The following PMM2 variants were observed in gnomAD, a reference collection of about 807,000 sequenced individuals.
PMM2 encodes the protein phosphomannomutase 2, also known as mannose-6-phosphate isomerase.
Under a neutral mutation model 33.2 loss-of-function variants are expected in PMM2, and 35 were observed. The observed-to-expected ratio is 1.06, with a 90% CI of 0.81 to 1.40. The LOEUF (loss-of-function observed/expected upper bound fraction) is 1.40. Ranked by LOEUF, PMM2 falls within the 40% of genes most tolerant of loss-of-function variation. The pLI is 0.00. For missense variants in PMM2, 386 were observed against 306.0 expected, an observed-to-expected ratio of 1.26 and a Z score of -1.95; for synonymous variants, 153 against 114.7, an observed-to-expected ratio of 1.33 and a Z score of -2.13.
intron 7 of PMM2, among the ~76,000 whole-genome samples, chr16:8,816,297 T>G (rs1202658322): frequency 7.2e-5 from 11 of 151,884 alleles, no homozygotes; most frequent in Non-Finnish European, 1.5e-4. Flanking sequence ...CAGCTAATTT[T>G]GTATTTTTAG....
intron 1 of PMM2, among the ~76,000 whole-genome samples, chr16:8,800,275 C>A (rs567422317): frequency 5.3e-5 from 8 of 151,284 alleles, no homozygotes; most frequent in Admixed American, 4.6e-4. Flanking sequence ...ACAGGAGAAT[C>A]GCTTGAACCC....
chr16:8,810,112 A>C (rs899770762), intron 4 of PMM2: 1 of 152,224 alleles, frequency 6.6e-6, no homozygotes, highest in Non-Finnish European at 1.5e-5. Flanking sequence ...GCGCCCAGCC[A>C]AAAGAACATC....
In PMM2 at chr16:8,797,852, G is replaced by T. The variant is rs1220452675; in HGVS notation, c.-31G>T. Reference sequence around the variant, plus strand: ...CGGGCCGAGTTCCTCGTGCCAACGTGTCTTGTAAGGTGCGGCTAGAAACTG... The same window carrying T: ...CGGGCCGAGTTCCTCGTGCCAACGTTTCTTGTAAGGTGCGGCTAGAAACTG... On this transcript the variant is annotated 5_prime_UTR_variant, in exon 1 of 8. Transcript: ENST00000268261. 2.2e-5 allele frequency: 36 copies of T among 1,607,490 alleles called. No homozygotes were observed. The highest frequency in any genetic ancestry group is 3.0e-5 in the Non-Finnish European group (35 of 1,177,288).
chr16:8,827,901 A>G (rs1237646669), intron 7 of PMM2, among the ~76,000 whole-genome samples: 6 of 113,796 alleles, frequency 5.3e-5, no homozygotes, highest in Non-Finnish European at 7.0e-5. Context: ...TATATATGAT[A>G]TATATTATAT....
chr16:8,848,665 C>G lies in PMM2; in HGVS notation c.*840C>G, dbSNP rs990015596. 6 of 152,250 alleles carry G rather than the reference C, an allele frequency of 3.9e-5. No individual in the cohort carries two copies. The highest frequency in any genetic ancestry group is 1.2e-4 in the African/African-American group (5 of 41,472). The allele number at this position is 152,250 out of a possible 1,614,324, so 9.4% of individuals were successfully genotyped here. A position where few individuals can be genotyped will look rare whatever the true frequency, so the allele number is the denominator to read the frequency against. ...GTCCAGAGAAACCAACGCGGGATGTCAGACTTCACCAAAAGGACTTTCTGG... is the reference window on the plus strand; with the variant it reads ...GTCCAGAGAAACCAACGCGGGATGTGAGACTTCACCAAAAGGACTTTCTGG... On this transcript the variant is annotated 3_prime_UTR_variant, in exon 8 of 8. Transcript: ENST00000268261.
intron 1 of PMM2, 63 bp from the exon 2 acceptor site, chr16:8,801,736 G>C (rs1596484013): frequency 9.9e-7 from 1 of 1,008,560 alleles, no homozygotes; most frequent in African/African-American, 1.6e-5. Context: ...GTTACCCTTA[G>C]AGTTTTGGTC....
At chr16:8,846,577 C>G (rs1412941708) in intron 7 of PMM2, among the ~76,000 whole-genome samples, 1 of 152,114 alleles carries the variant, frequency 6.6e-6, no homozygotes, top group African/African-American at 2.4e-5. Context: ...GAGCACTCAA[C>G]TCAGGCACAG....
chr16:8,833,156 G>T (rs1234293342), intron 7 of PMM2, among the ~76,000 whole-genome samples: 1 of 152,232 alleles, frequency 6.6e-6, no homozygotes, highest in Admixed American at 6.5e-5. Context: ...GCAAAGGGTG[G>T]TGGATTATCA....
At chr16:8,819,018 T>C (rs968106290) in intron 7 of PMM2, among the ~76,000 whole-genome samples, 33 of 152,332 alleles carry the variant, frequency 2.2e-4, no homozygotes, top group African/African-American at 7.7e-4. Flanking sequence ...GTAAAAGTCA[T>C]CTTGGCTTTA....
chr16:8,833,644 T>C (rs1488993899), intron 7 of PMM2, among the ~76,000 whole-genome samples: 2 of 151,130 alleles, frequency 1.3e-5, no homozygotes, highest in African/African-American at 4.9e-5. Flanking sequence ...AAGGGAGGTC[T>C]TGTGGTAAGG....
chr16:8,831,144 C>CA (rs61001447), intron 7 of PMM2, among the ~76,000 whole-genome samples: 5,116 of 151,658 alleles, frequency 0.034, 183 homozygotes, highest in African/African-American at 0.085. Context: ...TCTCCAAAAA[C>CA]AAAAAAAACA....
At chr16:8,804,974 C>T in intron 3 of PMM2, 131 bp downstream of exon 3, 1 of 668,800 alleles carries the variant, frequency 1.5e-6, no homozygotes, top group Non-Finnish European at 2.7e-6. Context: ...TTTTGTTTTG[C>T]ATTTTGAACC....
intron 7 of PMM2, among the ~76,000 whole-genome samples, chr16:8,824,895 T>C (rs867222325): frequency 6.6e-6 from 1 of 152,252 alleles, no homozygotes; most frequent in African/African-American, 2.4e-5. Flanking sequence ...TTCTTTTATT[T>C]TTTTTAATAG....
At chr16:8,827,845 TATA>T (rs370793566) in intron 7 of PMM2, among the ~76,000 whole-genome samples, 24,662 of 88,404 alleles carry the variant, frequency 0.28, 3,118 homozygotes, top group South Asian at 0.41. Flanking sequence ...TTGTATAATA[TATA>T]ATATATATGT....
intron 3 of PMM2, 107 bp downstream of exon 3, chr16:8,804,950 C>A (rs376841341): frequency 4.1e-6 from 3 of 733,214 alleles, no homozygotes; most frequent in African/African-American, 3.5e-5. Flanking sequence ...AGAAATGAAT[C>A]TTTACTCTGT....
chr16:8,829,435 C>G (rs1182165595), intron 7 of PMM2, among the ~76,000 whole-genome samples: 1 of 152,190 alleles, frequency 6.6e-6, no homozygotes, highest in Non-Finnish European at 1.5e-5. Context: ...GAACCACAGG[C>G]AAAAGCCTCT....
chr16:8,831,756 CT>C (rs955067820), intron 7 of PMM2, among the ~76,000 whole-genome samples: 1 of 152,236 alleles, frequency 6.6e-6, no homozygotes, highest in Non-Finnish European at 1.5e-5. Flanking sequence ...CATCAGCCCC[CT>C]GGCATCTGAA....
chr16:8,827,380 AT>A (rs897793655), intron 7 of PMM2, among the ~76,000 whole-genome samples: 1 of 149,992 alleles, frequency 6.7e-6, no homozygotes, highest in African/African-American at 2.4e-5. Context: ...CCTTTTTTTT[AT>A]TTTTTTATTT....
intron 5 of PMM2, 87 bp from the exon 6 acceptor site, chr16:8,811,551 A>G: frequency 2.3e-6 from 2 of 862,146 alleles, no homozygotes; most frequent in Non-Finnish European, 3.9e-6. Flanking sequence ...AATCAATAAG[A>G]TAATCCTACC....
Sources: allele counts gnomAD v4.1 joint callset (sites outside exome capture counted in the v4.1 genomes callset), GRCh38; gene constraint gnomAD v4.1.1; transcripts MANE v1.5; gene names NCBI Gene and HGNC (gene_info 2026-07-23, HGNC 2026-07-21).